Variants in DCHS2 observed in about 807,000 individuals in gnomAD.
The protein encoded by DCHS2 is dachsous cadherin-related 2.
A neutral mutation model predicts 182.4 loss-of-function variants in DCHS2; 142 were observed. That is an observed-to-expected ratio of 0.78 (90% CI 0.68 to 0.89). The LOEUF (loss-of-function observed/expected upper bound fraction) is 0.89, where lower values mean the gene tolerates loss of function less well. Ranked by LOEUF, DCHS2 falls within the 40% of genes least tolerant of loss-of-function variation. The probability of loss-of-function intolerance (pLI) is 0.00; values close to 1 mark genes in which losing one functional copy is unlikely to be tolerated. For missense variants in DCHS2, 4,319 were observed against 4,198.6 expected, an observed-to-expected ratio of 1.03 and a Z score of -0.79; for synonymous variants, 1,740 against 1,663.3, an observed-to-expected ratio of 1.05 and a Z score of -1.12.
At chr4:154,463,331 T>C (rs1218781644) in intron 1 of DCHS2, among the ~76,000 whole-genome samples, 2 of 152,000 alleles carry the variant, frequency 1.3e-5, no homozygotes, top group Non-Finnish European at 2.9e-5. Flanking sequence ...TAGGCTTTTT[T>C]CCCCCAATAT....
At chr4:154,408,679 C>T (rs1271560718) in intron 1 of DCHS2, among the ~76,000 whole-genome samples, 1 of 152,088 alleles carries the variant, frequency 6.6e-6, no homozygotes. Context: ...TGGAGTACAT[C>T]AAAGGAATAG....
intron 3 of DCHS2, 38 bp downstream of exon 3, chr4:154,366,172 T>C (rs1280198241): frequency 6.4e-7 from 1 of 1,556,622 alleles, no homozygotes; most frequent in Non-Finnish European, 8.8e-7. Context: ...GCAGAAACTT[T>C]ATAGCCAAAG....
chr4:154,459,388 A>G (rs1188285639), intron 1 of DCHS2, among the ~76,000 whole-genome samples: 3 of 152,190 alleles, frequency 2.0e-5, no homozygotes, highest in African/African-American at 4.8e-5. Flanking sequence ...CATTAAAAAA[A>G]AAGAAACAAA....
At chr4:154,478,250 A>G (rs1409030917) in intron 1 of DCHS2, among the ~76,000 whole-genome samples, 1 of 152,182 alleles carries the variant, frequency 6.6e-6, no homozygotes, top group Non-Finnish European at 1.5e-5. Context: ...AATGATCTGA[A>G]TCTCATTGAA....
At chr4:154,485,936 C>G in intron 1 of DCHS2, among the ~76,000 whole-genome samples, 1 of 152,190 alleles carries the variant, frequency 6.6e-6, no homozygotes, top group East Asian at 1.9e-4. Flanking sequence ...GTTATCTGAG[C>G]GAAAATGGAA....
At position 154,333,369 on chromosome 4, in the gene DCHS2, C is replaced by T. The variant is rs1728602578; in HGVS notation, c.2839G>A (p.Val947Met). 2 of 1,614,040 alleles carry T rather than the reference C, an allele frequency of 1.2e-6. No homozygotes were observed. The highest frequency in any genetic ancestry group is 2.7e-5 in the African/African-American group (2 of 74,938). Residue 947 changes from valine (V) to methionine (M), a missense_variant, in exon 5 of 20, where the codon GTG becomes ATG. Val to Met is a conservative substitution (Grantham distance 21). Transcript: ENST00000357232. ...PLDHETQPVVVLTVQAQLGSA... is the reference protein window; with the variant it reads ...PLDHETQPVVMLTVQAQLGSA... ...CCGAGCTGCGCCTGCACCGTGAGCA[C>T]AACCACGGGCTGCGTCTCGTGATCC...
At chr4:154,442,882 G>A (rs1734096134) in intron 1 of DCHS2, among the ~76,000 whole-genome samples, 1 of 151,962 alleles carries the variant, frequency 6.6e-6, no homozygotes, top group Non-Finnish European at 1.5e-5. Context: ...CTGGTGCCAA[G>A]GTCCATGCCC....
intron 16 of DCHS2, among the ~76,000 whole-genome samples, chr4:154,248,551 C>T (rs1732197259): frequency 6.6e-6 from 1 of 152,012 alleles, no homozygotes; most frequent in Non-Finnish European, 1.5e-5. Context: ...AATAAAAAAT[C>T]AAATTAAGAA....
At chr4:154,438,202 G>A (rs950598917) in intron 1 of DCHS2, among the ~76,000 whole-genome samples, 1 of 152,116 alleles carries the variant, frequency 6.6e-6, no homozygotes, top group African/African-American at 2.4e-5. Flanking sequence ...ACACTGAAAT[G>A]GCACAAGGTA....
Position 154,421,331 on chromosome 4 carries a change from A to C in DCHS2, c.2053-43887T>G, listed in dbSNP as rs151247382. 2.9e-4 allele frequency among the ~76,000 whole-genome samples: 44 copies of C among 152,280 alleles called. No homozygotes were observed. In the East Asian group the frequency reaches 7.9e-3, roughly 27 times the overall value. ...CTTTATTAAAGAATCACTCCTTTGCAGTCTGAAAGTTTCCTCTCTTTATTA... is the reference window on the plus strand; with the variant it reads ...CTTTATTAAAGAATCACTCCTTTGCCGTCTGAAAGTTTCCTCTCTTTATTA... On this transcript the variant is annotated intron_variant, in intron 1 of 19. Transcript: ENST00000357232.
chr4:154,433,818 C>G (rs1733666079), intron 1 of DCHS2, among the ~76,000 whole-genome samples: 1 of 152,234 alleles, frequency 6.6e-6, no homozygotes, highest in South Asian at 2.1e-4. Flanking sequence ...AGGCCACCTT[C>G]TATCTCTTGT....
rs139676948 is a variant in DCHS2 at position 154,403,416 on chromosome 4, A to C, written c.2053-25972T>G. On this transcript the variant is annotated intron_variant, in intron 1 of 19. Transcript: ENST00000357232. ...CTGCATTTATTTAGATGATTATATA[A>C]ATTTTTCTCTTTTTTTCTAGTAATG... Among the ~76,000 whole-genome samples, 200 of 152,202 alleles carry C rather than the reference A, an allele frequency of 1.3e-3. 3 individuals are homozygous for C. The highest frequency in any genetic ancestry group is 9.9e-3 in the Admixed American group (152 of 15,288).
At chr4:154,439,495 A>G (rs1437639215) in intron 1 of DCHS2, among the ~76,000 whole-genome samples, 1 of 152,172 alleles carries the variant, frequency 6.6e-6, no homozygotes. Context: ...TTATATTTGC[A>G]TTGGCTATAT....
At chr4:154,417,204 T>TGTGTGTGAGAGAGA (rs1560745908) in intron 1 of DCHS2, among the ~76,000 whole-genome samples, 6 of 39,498 alleles carry the variant, frequency 1.5e-4, no homozygotes, top group South Asian at 1.3e-3. Context: ...TGTGTGTGTG[T>TGTGTGTGAGAGAGA]GAGAGAGAGA....
At chr4:154,250,994 C>A (rs995401355) in intron 16 of DCHS2, among the ~76,000 whole-genome samples, 1 of 152,214 alleles carries the variant, frequency 6.6e-6, no homozygotes, top group African/African-American at 2.4e-5. Context: ...CAAACACTTT[C>A]ACGTTCCCGT....
intron 19 of DCHS2, among the ~76,000 whole-genome samples, chr4:154,238,519 C>A (rs1365164464): frequency 6.6e-6 from 1 of 152,132 alleles, no homozygotes; most frequent in African/African-American, 2.4e-5. Context: ...TAAATGTCCA[C>A]TCACTGTTCA....
At chr4:154,391,291 GT>G (rs771156121) in intron 1 of DCHS2, 19 of 1,592,098 alleles carry the variant, frequency 1.2e-5, no homozygotes, top group Non-Finnish European at 1.6e-5. Flanking sequence ...ATCTCATCCA[GT>G]CTCATGATTT....
chr4:154,336,705 A>C (rs1465998529), intron 3 of DCHS2, among the ~76,000 whole-genome samples: 1 of 152,198 alleles, frequency 6.6e-6, no homozygotes, highest in Non-Finnish European at 1.5e-5. Context: ...GCCTGCTCTA[A>C]ACACATACTC....
At chr4:154,378,156 T>C (rs2110808989) in intron 1 of DCHS2, among the ~76,000 whole-genome samples, 1 of 152,236 alleles carries the variant, frequency 6.6e-6, no homozygotes, top group Non-Finnish European at 1.5e-5. Context: ...GGCACCGTCT[T>C]ATTTTGCCAT....
Sources: allele counts gnomAD v4.1 joint callset (sites outside exome capture counted in the v4.1 genomes callset), GRCh38; gene constraint gnomAD v4.1.1; transcripts MANE v1.5; gene names NCBI Gene and HGNC (gene_info 2026-07-23, HGNC 2026-07-21).